AUTS2: variants seen among roughly 807,000 people sequenced by gnomAD.
AUTS2 encodes the protein activator of transcription and developmental regulator AUTS2, also known as autism susceptibility gene 2 protein.
AUTS2 carries 17 observed loss-of-function variants against 112.4 expected under a neutral mutation model. That is an observed-to-expected ratio of 0.15 (90% CI 0.10 to 0.23). AUTS2 has a LOEUF of 0.23. Among genes scored for constraint, AUTS2 ranks in the 10% least tolerant of loss-of-function variants. AUTS2 has a pLI of 1.00. For synonymous variants in AUTS2, 751 were observed against 702.7 expected, an observed-to-expected ratio of 1.07 and a Z score of -1.09; for missense variants, 1,510 against 1,701.6, an observed-to-expected ratio of 0.89 and a Z score of 1.98.
At chr7:70,557,692 A>G (rs944092183) in intron 5 of AUTS2, among the ~76,000 whole-genome samples, 1 of 152,162 alleles carries the variant, frequency 6.6e-6, no homozygotes, top group African/African-American at 2.4e-5. Flanking sequence ...CAGCTACTAC[A>G]TCTCCTCACA....
intron 5 of AUTS2, among the ~76,000 whole-genome samples, chr7:70,552,527 T>C (rs978804946): frequency 2.6e-5 from 4 of 152,110 alleles, no homozygotes; most frequent in Non-Finnish European, 5.9e-5. Flanking sequence ...GCTTGGAAAA[T>C]AGAAGGTTTG....
intron 5 of AUTS2, among the ~76,000 whole-genome samples, chr7:70,522,132 G>A (rs1021733817): frequency 1.3e-5 from 2 of 152,110 alleles, no homozygotes; most frequent in Non-Finnish European, 2.9e-5. Context: ...TAGGTGTGAC[G>A]TTTAAACCAA....
chr7:69,994,654 A>G (rs879809483), intron 2 of AUTS2, among the ~76,000 whole-genome samples: 4 of 152,160 alleles, frequency 2.6e-5, no homozygotes, highest in Non-Finnish European at 5.9e-5. Context: ...TTCTGATAAA[A>G]TCGTGGAGTC....
chr7:70,315,008 T>TTA (rs1789930126), intron 4 of AUTS2, among the ~76,000 whole-genome samples: 1 of 152,230 alleles, frequency 6.6e-6, no homozygotes, highest in Non-Finnish European at 1.5e-5. Flanking sequence ...CAAAGAACTT[T>TTA]TATGCTTGCT....
rs547302108 is a variant in AUTS2, at chr7:69,986,873, T to A, written c.522+87375T>A. ...GTTGTTTGGTGAATTTTAAATGCAG[T>A]GGTGACCCTTGCCCAATCTTTCATA... On this transcript the variant is annotated intron_variant, in intron 2 of 18. Transcript: ENST00000342771. Among the ~76,000 whole-genome samples, 14 of 152,344 alleles carry A rather than the reference T, an allele frequency of 9.2e-5. No homozygotes were observed. In the South Asian group the frequency reaches 2.9e-3, roughly 32 times the overall value.
intron 1 of AUTS2, among the ~76,000 whole-genome samples, chr7:69,720,032 A>G (rs1798835933): frequency 6.6e-6 from 1 of 152,244 alleles, no homozygotes. Flanking sequence ...CAAATTGATG[A>G]TGAGACAGTG....
At chr7:70,272,214 G>T (rs533231659) in intron 4 of AUTS2, among the ~76,000 whole-genome samples, 14 of 151,414 alleles carry the variant, frequency 9.2e-5, no homozygotes, top group Non-Finnish European at 2.1e-4. Flanking sequence ...CCAAACCAAG[G>T]GAAGTGTGTT....
intron 5 of AUTS2, among the ~76,000 whole-genome samples, chr7:70,684,207 A>G (rs1371754967): frequency 6.6e-6 from 1 of 152,042 alleles, no homozygotes; most frequent in Non-Finnish European, 1.5e-5. Flanking sequence ...AGTACCCTAA[A>G]GATTATTAAT....
intron 4 of AUTS2, among the ~76,000 whole-genome samples, chr7:70,311,882 AT>A (rs1396668082): frequency 6.6e-6 from 1 of 152,076 alleles, no homozygotes; most frequent in East Asian, 1.9e-4. Context: ...CGCCTGGCTA[AT>A]TTTTGTATTT....
At chr7:69,970,731 T>C (rs1215719729) in intron 2 of AUTS2, among the ~76,000 whole-genome samples, 1 of 152,216 alleles carries the variant, frequency 6.6e-6, no homozygotes, top group Admixed American at 6.5e-5. Flanking sequence ...TCAACAGTGC[T>C]AGCCCTTGAC....
At chr7:70,502,354 A>G (rs1181345176) in intron 5 of AUTS2, among the ~76,000 whole-genome samples, 2 of 152,204 alleles carry the variant, frequency 1.3e-5, no homozygotes, top group African/African-American at 4.8e-5. Context: ...ATCGACAGCA[A>G]ATGGAAGATG....
At chr7:70,235,287 C>G (rs1394038228) in intron 4 of AUTS2, among the ~76,000 whole-genome samples, 2 of 151,796 alleles carry the variant, frequency 1.3e-5, no homozygotes, top group Non-Finnish European at 2.9e-5. Context: ...TCACATGCTA[C>G]CACCCATGGC....
At chr7:69,745,259 A>T (rs900991196) in intron 1 of AUTS2, among the ~76,000 whole-genome samples, 2 of 152,206 alleles carry the variant, frequency 1.3e-5, no homozygotes, top group African/African-American at 4.8e-5. Flanking sequence ...CTGGTGATAT[A>T]GCTCCTTGAT....
At chr7:70,191,161 CTTTTTTTTTTT>C (rs34637651) in intron 4 of AUTS2, among the ~76,000 whole-genome samples, 1 of 86,426 alleles carries the variant, frequency 1.2e-5, no homozygotes, top group African/African-American at 4.7e-5. Flanking sequence ...CCACTTATTT[CTTTTTTTTTTT>C]TTTTTTTTTT....
chr7:70,345,295 C>T (rs985922805), intron 4 of AUTS2, among the ~76,000 whole-genome samples: 2 of 152,220 alleles, frequency 1.3e-5, no homozygotes, highest in African/African-American at 4.8e-5. Flanking sequence ...GCCCTCGAGC[C>T]ATAACTTCCT....
chr7:70,776,038 C>A (rs1222751957), intron 13 of AUTS2, among the ~76,000 whole-genome samples: 7 of 152,110 alleles, frequency 4.6e-5, no homozygotes, highest in African/African-American at 1.7e-4. Context: ...AATTTGATTT[C>A]TCCAGGGGAA....
chr7:70,792,938 AC>A lies in AUTS2; in HGVS notation c.*1944del, dbSNP rs1792063054. ...AGGGAAGAAGCCATACCTGTACAAGACCGGGCTCTTGAAAAGAAACACCTCG... is the reference window on the plus strand; with the variant it reads ...AGGGAAGAAGCCATACCTGTACAAGACGGGCTCTTGAAAAGAAACACCTCG... On this transcript the variant is annotated 3_prime_UTR_variant, in exon 19 of 19. Transcript: ENST00000342771. The A allele has an allele frequency of 6.6e-6, 1 of 152,628 alleles. No homozygotes were observed. Among genetic ancestry groups the A allele is most frequent in the South Asian group, 2.1e-4 (1 of 4,830 alleles). 9.5% of individuals were successfully genotyped at this position (152,628 alleles called of 1,614,324 possible).
chr7:70,668,916 C>G (rs1807491402), intron 5 of AUTS2, among the ~76,000 whole-genome samples: 1 of 152,124 alleles, frequency 6.6e-6, no homozygotes, highest in South Asian at 2.1e-4. Context: ...GAGAGGAGAG[C>G]CAGGTTCCCA....
intron 5 of AUTS2, among the ~76,000 whole-genome samples, chr7:70,499,961 A>G (rs1798705587): frequency 6.6e-6 from 1 of 152,158 alleles, no homozygotes; most frequent in Non-Finnish European, 1.5e-5. Flanking sequence ...TTTCTGAACC[A>G]TCCTTGCCTG....
Sources: gnomAD v4.1 joint callset for allele counts (sites outside exome capture counted in the v4.1 genomes callset) on GRCh38, gnomAD v4.1.1 for gene constraint, MANE v1.5 for transcripts, NCBI Gene and HGNC (gene_info 2026-07-23, HGNC 2026-07-21) for gene names.